The following OSBPL8 variants were observed in gnomAD, a reference collection of about 807,000 sequenced individuals.
OSBPL8 encodes oxysterol binding protein like 8.
Under a neutral mutation model 125.5 loss-of-function variants are expected in OSBPL8, and 59 were observed. That is an observed-to-expected ratio of 0.47 (90% CI 0.38 to 0.58). The LOEUF (loss-of-function observed/expected upper bound fraction) is 0.58, where lower values mean the gene tolerates loss of function less well. OSBPL8 is among the 20% of genes least tolerant of loss of function. The probability of loss-of-function intolerance (pLI) is 0.00; values close to 1 mark genes in which losing one functional copy is unlikely to be tolerated. For missense variants in OSBPL8, 758 were observed against 1,047.8 expected (o/e 0.72, Z 3.82); for synonymous variants, 330 against 338.9 (o/e 0.97, Z 0.29).
intron 21 of OSBPL8, chr12:76,366,639 G>C: frequency 2.4e-6 from 1 of 424,474 alleles, no homozygotes; most frequent in Non-Finnish European, 4.6e-6. Context: ...TAAGGTTATT[G>C]ATTTGAGATC....
At chr12:76,434,010 T>C (rs903521623) in intron 4 of OSBPL8, among the ~76,000 whole-genome samples, 3 of 145,926 alleles carry the variant, frequency 2.1e-5, no homozygotes, top group Admixed American at 6.8e-5. Flanking sequence ...CTAAAACTCA[T>C]ATGAAATCAC....
intron 21 of OSBPL8, among the ~76,000 whole-genome samples, chr12:76,365,753 T>C (rs1320710514): frequency 3.9e-5 from 6 of 152,184 alleles, no homozygotes; most frequent in Non-Finnish European, 5.9e-5. Context: ...CTTAATGATG[T>C]TGAGGAAGTC....
In OSBPL8 at chr12:76,456,314, T is replaced by C. The variant is rs374953178; in HGVS notation, c.79+3545A>G. ...ACTTTTTTCATTCTATAGTACATGATACTAATCAAGTACCAAGAAATTACA... is the reference window on the plus strand; with the variant it reads ...ACTTTTTTCATTCTATAGTACATGACACTAATCAAGTACCAAGAAATTACA... On this transcript the variant is annotated intron_variant, in intron 3 of 23. Coordinates refer to ENST00000261183, the MANE Select transcript of OSBPL8 (RefSeq NM_020841.5). Among the ~76,000 whole-genome samples, 87 of 152,320 alleles carry C rather than the reference T, an allele frequency of 5.7e-4. 2 individuals carry two copies. Among genetic ancestry groups the C allele is most frequent in the African/African-American group, 2.1e-3 (86 of 41,572 alleles).
chr12:76,556,579 A>G (rs914963438), intron 1 of OSBPL8, among the ~76,000 whole-genome samples: 1 of 152,208 alleles, frequency 6.6e-6, no homozygotes, highest in African/African-American at 2.4e-5. Context: ...TACTTTGGCC[A>G]CAACTGCTCC....
intron 1 of OSBPL8, among the ~76,000 whole-genome samples, chr12:76,501,632 T>C (rs939937354): frequency 2.0e-5 from 3 of 152,188 alleles, no homozygotes; most frequent in African/African-American, 7.2e-5. Context: ...ATGAACAAAG[T>C]AGCCATGGTG....
At chr12:76,417,396 G>A (rs998842186) in intron 4 of OSBPL8, among the ~76,000 whole-genome samples, 2 of 152,090 alleles carry the variant, frequency 1.3e-5, no homozygotes, top group Non-Finnish European at 2.9e-5. Flanking sequence ...GTTTTCTTGA[G>A]AATTTGTGGT....
chr12:76,440,642 C>A (rs1872078274), intron 4 of OSBPL8, among the ~76,000 whole-genome samples: 1 of 152,146 alleles, frequency 6.6e-6, no homozygotes, highest in African/African-American at 2.4e-5. Flanking sequence ...CTCCTCCCAT[C>A]ATTTCACCTA....
chr12:76,389,597 C>T (rs753038107), intron 12 of OSBPL8, 48 bp downstream of exon 12: 1 of 1,349,080 alleles, frequency 7.4e-7, no homozygotes, highest in Non-Finnish European at 9.9e-7. Context: ...TTGAGAATTT[C>T]TAAAATCATG....
intron 1 of OSBPL8, among the ~76,000 whole-genome samples, chr12:76,549,721 A>G (rs952726767): frequency 2.0e-5 from 3 of 152,318 alleles, no homozygotes; most frequent in Admixed American, 1.3e-4. Flanking sequence ...AGATGCTAGA[A>G]GACAACAAAG....
Position 76,459,719 on chromosome 12 carries a change from T to C in OSBPL8, c.79+140A>G, listed in dbSNP as rs570691695. On this transcript the variant is annotated intron_variant, in intron 3 of 23. Coordinates refer to ENST00000261183, the MANE Select transcript of OSBPL8 (RefSeq NM_020841.5). Reference sequence around the variant, plus strand: ...GGTACTAAATGACCATTTATATTCTTTACTTTATATTTCAATTCCTGGAAA... The same window carrying C: ...GGTACTAAATGACCATTTATATTCTCTACTTTATATTTCAATTCCTGGAAA... 4 of 945,648 alleles carry C rather than the reference T, an allele frequency of 4.2e-6. No homozygotes were observed. In the Admixed American group the frequency reaches 6.7e-5, roughly 16 times the overall value. The allele number at this position is 945,648 out of a possible 1,614,324, so 58.6% of individuals were successfully genotyped here.
At chr12:76,394,224 G>GTC (rs1953696387) in intron 9 of OSBPL8, among the ~76,000 whole-genome samples, 1 of 151,780 alleles carries the variant, frequency 6.6e-6, no homozygotes, top group African/African-American at 2.4e-5. Flanking sequence ...TGAATTAAGT[G>GTC]TTAAAGGAGG....
intron 6 of OSBPL8, 44 bp downstream of exon 6, chr12:76,402,645 A>G: frequency 7.2e-7 from 1 of 1,391,948 alleles, no homozygotes; most frequent in Non-Finnish European, 1.0e-6. Context: ...ACACACATGC[A>G]AAGCACAATG....
intron 14 of OSBPL8, among the ~76,000 whole-genome samples, chr12:76,385,393 G>T (rs948262162): frequency 6.6e-6 from 1 of 152,050 alleles, no homozygotes; most frequent in Non-Finnish European, 1.5e-5. Flanking sequence ...TCAAATTAAT[G>T]AAAGTTTAAA....
chr12:76,435,526 A>C (rs1324373831), intron 4 of OSBPL8, among the ~76,000 whole-genome samples: 1 of 152,088 alleles, frequency 6.6e-6, no homozygotes, highest in Non-Finnish European at 1.5e-5. Context: ...CTTAGAGGGG[A>C]GATGTTAACT....
intron 2 of OSBPL8, among the ~76,000 whole-genome samples, chr12:76,470,634 A>G (rs1876025477): frequency 6.6e-6 from 1 of 152,234 alleles, no homozygotes. Flanking sequence ...CTGCAAAAAA[A>G]TACCTTCATT....
intron 1 of OSBPL8, among the ~76,000 whole-genome samples, chr12:76,532,666 C>G (rs750039228): frequency 2.6e-5 from 4 of 152,064 alleles, no homozygotes; most frequent in Admixed American, 6.6e-5. Flanking sequence ...CATCCCTCCT[C>G]CAACATATGC....
chr12:76,450,513 G>C (rs1873250281), intron 4 of OSBPL8, among the ~76,000 whole-genome samples: 1 of 151,678 alleles, frequency 6.6e-6, no homozygotes, highest in Non-Finnish European at 1.5e-5. Flanking sequence ...TAATAAAATA[G>C]ATATAACTCA....
chr12:76,474,626 C>G (rs1876576507), intron 2 of OSBPL8, among the ~76,000 whole-genome samples: 1 of 152,030 alleles, frequency 6.6e-6, no homozygotes, highest in African/African-American at 2.4e-5. Context: ...GGACCACAGG[C>G]ACATGCCACC....
intron 1 of OSBPL8, among the ~76,000 whole-genome samples, chr12:76,526,635 C>CT (rs573409160): frequency 0.029 from 1,886 of 64,140 alleles, 282 homozygotes; most frequent in East Asian, 0.044. Flanking sequence ...CAGTAAATCT[C>CT]TTTTTTTTTT....
Sources: gnomAD v4.1 joint callset for allele counts (sites outside exome capture counted in the v4.1 genomes callset) on GRCh38, gnomAD v4.1.1 for gene constraint, MANE v1.5 for transcripts, NCBI Gene and HGNC (gene_info 2026-07-23, HGNC 2026-07-21) for gene names.